The following MPI variants were observed in gnomAD, a reference collection of about 807,000 sequenced individuals.
MPI encodes the protein mannose phosphate isomerase.
MPI carries 33 observed loss-of-function variants against 40.1 expected under a neutral mutation model. The ratio of observed to expected loss-of-function variants is 0.82; its 90% CI spans 0.62 to 1.10. MPI has a LOEUF of 1.10. Ranked by LOEUF, MPI falls within the 50% of genes least tolerant of loss-of-function variation. The pLI, the probability that MPI is intolerant of heterozygous loss-of-function variation, is 0.00. For missense variants in MPI, 514 were observed against 524.1 expected, an observed-to-expected ratio of 0.98 and a Z score of 0.19; for synonymous variants, 187 against 207.4, an observed-to-expected ratio of 0.90 and a Z score of 0.85.
rs1190779046 is a variant in MPI at position 74,898,572 on chromosome 15, C to T, written c.*842C>T. 2 of 151,598 alleles carry T rather than the reference C, an allele frequency of 1.3e-5. No homozygotes were observed. The highest frequency in any genetic ancestry group is 6.6e-5 in the Admixed American group (1 of 15,186). 9.4% of individuals were successfully genotyped at this position (151,598 alleles called of 1,614,324 possible). ...TTTTTTTTTGAGACGGAGTCTCGGT[C>T]TGTAGCCCAGGCTGGAGTGCAGTGG... On this transcript the variant is annotated 3_prime_UTR_variant, in exon 8 of 8. Coordinates refer to ENST00000352410, the MANE Select transcript of MPI (RefSeq NM_002435.3).
At position 74,900,262 on chromosome 15, in the gene MPI, C is replaced by A. The variant is rs2064898542; in HGVS notation, c.*2532C>A. 1 of 152,294 alleles carries A rather than the reference C, an allele frequency of 6.6e-6. No individual in the cohort carries two copies. The highest frequency in any genetic ancestry group is 2.4e-5 in the African/African-American group (1 of 41,452). 9.4% of individuals were successfully genotyped at this position (152,294 alleles called of 1,614,324 possible). ...TACCCTGCCTCACTGCACTGTCCCA[C>A]CAGGTCCCTCCAGCTTTTTCTACAA... On this transcript the variant is annotated 3_prime_UTR_variant, in exon 8 of 8. Transcript: ENST00000352410.
At chr15:74,895,998 C>T in intron 5 of MPI, 154 bp from the exon 6 acceptor site, 1 of 771,508 alleles carries the variant, frequency 1.3e-6, no homozygotes, top group Admixed American at 2.1e-5. Context: ...GCTCGACCCC[C>T]AAAGGGCTGG....
At chr15:74,891,339 T>C in intron 2 of MPI, 40 bp from the exon 3 acceptor site, 1 of 1,601,136 alleles carries the variant, frequency 6.2e-7, no homozygotes, top group Non-Finnish European at 8.6e-7. Context: ...GGGTGGCAGG[T>C]TTCTTCCCCC....
At position 74,902,029 on chromosome 15, in the gene MPI, T is replaced by C. The variant is rs1022053360; in HGVS notation, c.*4299T>C. ...GATCCTGCTGTATCATTAAGCAACC[T>C]GCTATGATCCCTGTCATAGTTAGAC... On this transcript the variant is annotated 3_prime_UTR_variant, in exon 8 of 8. Transcript: ENST00000352410. The C allele has an allele frequency of 1.5e-5, 6 of 398,202 alleles. No individual in the cohort carries two copies. The highest frequency in any genetic ancestry group is 1.2e-3 in the Middle Eastern group (2 of 1,610). The allele number at this position is 398,202 out of a possible 1,614,324, so 24.7% of individuals were successfully genotyped here.
intron 5 of MPI, among the ~76,000 whole-genome samples, chr15:74,895,247 T>C (rs1399962674): frequency 6.7e-6 from 1 of 149,884 alleles, no homozygotes; most frequent in Non-Finnish European, 1.5e-5. Context: ...AGTCCTGAGA[T>C]GACAGGTGTG....
rs745432667 is a variant in MPI at position 74,896,190 on chromosome 15, CT to C, written c.713del (p.Leu238CysfsTer20). On this transcript the variant is annotated frameshift_variant, in exon 6 of 8. Transcript: ENST00000352410. LOFTEE classifies it high-confidence loss of function. ...CAACATGGAGGACATCTTTGGGGAG[CT>C]TTTGCTACAGCTGCACCAGCAGTAC... ...GNNMEDIFGE[L>X]LLQLHQQYPG... 2 of 1,614,072 alleles carry C rather than the reference CT, an allele frequency of 1.2e-6. No homozygotes were observed. Among genetic ancestry groups the C allele is most frequent in the Admixed American group, 1.7e-5 (1 of 60,006 alleles).
intron 7 of MPI, 123 bp from the exon 8 acceptor site, chr15:74,897,389 C>A: frequency 7.7e-7 from 1 of 1,301,596 alleles, no homozygotes; most frequent in Non-Finnish European, 1.1e-6. Flanking sequence ...TCTATGCTGA[C>A]TGAGCCTGGG....
At chr15:74,890,425 A>C in intron 1 of MPI, 102 bp from the exon 2 acceptor site, 3 of 1,506,886 alleles carry the variant, frequency 2.0e-6, no homozygotes, top group Non-Finnish European at 2.8e-6. Flanking sequence ...CCCTTATTTG[A>C]CTCTGTCCCC....
At position 74,897,430 on chromosome 15, in the gene MPI, G is replaced by A. The variant is rs534567651; in HGVS notation, c.1054-82G>A. ...CGAGAAGGTGGCAGAGCTCTCCCTC[G>A]TGCCCTGGGGACTGTCCTGGGCCCA... On this transcript the variant is annotated intron_variant, in intron 7 of 7. Coordinates refer to ENST00000352410, the MANE Select transcript of MPI (RefSeq NM_002435.3). 55 of 1,439,374 alleles carry A rather than the reference G, an allele frequency of 3.8e-5. 1 individual carries two copies. Among genetic ancestry groups the A allele is most frequent in the South Asian group, 2.7e-4 (23 of 85,834 alleles). The allele number at this position is 1,439,374 out of a possible 1,614,324, so 89.2% of individuals were successfully genotyped here. A position where few individuals can be genotyped will look rare whatever the true frequency, so the allele number is the denominator to read the frequency against.
rs1475049428 is a variant in MPI, at chr15:74,897,140, T to C, written c.974T>C (p.Leu325Pro). The C allele has an allele frequency of 3.1e-6, 5 of 1,614,024 alleles. No homozygotes were observed. The highest frequency in any genetic ancestry group is 4.2e-6 in the Non-Finnish European group (5 of 1,180,020). Reference protein sequence around the residue: ...TPSSSKDRLFLPTRSQEDPYL... With the variant: ...TPSSSKDRLFPPTRSQEDPYL... ...AGCTCCAGCAAGGACAGGCTCTTTC[T>C]CCCAACACGGAGTCAGGAAGACCCC... The change falls in exon 7 of 8, where the codon CTC becomes CCC. Residue 325 changes from leucine (L) to proline (P), a missense_variant. Leu to Pro is a moderately conservative substitution (Grantham distance 98, BLOSUM62 -3). Transcript: ENST00000352410.
chr15:74,893,648 C>T lies in MPI; in HGVS notation c.670+328C>T, dbSNP rs1459113506. ...GCCCTCCATGGATGGACTTGTATCT[C>T]GGGGCTAAAGAGGCAGGAAGGGGAC... On this transcript the variant is annotated intron_variant, in intron 5 of 7. Coordinates refer to ENST00000352410, the MANE Select transcript of MPI (RefSeq NM_002435.3). 11 of 590,856 alleles carry T rather than the reference C, an allele frequency of 1.9e-5. No homozygotes were observed. In the East Asian group the frequency reaches 1.9e-4, roughly 10 times the overall value. 36.6% of individuals were successfully genotyped at this position (590,856 alleles called of 1,614,324 possible). A position where few individuals can be genotyped will look rare whatever the true frequency, so the allele number is the denominator to read the frequency against.
chr15:74,896,406 G>C, intron 6 of MPI, 81 bp downstream of exon 6: 1 of 1,554,778 alleles, frequency 6.4e-7, no homozygotes, highest in Admixed American at 1.8e-5. Context: ...AAGGAGAAGG[G>C]TGGTCAAGGA....
At chr15:74,894,956 T>C (rs561196905) in intron 5 of MPI, among the ~76,000 whole-genome samples, 198 of 151,662 alleles carry the variant, frequency 1.3e-3, no homozygotes, top group Non-Finnish European at 2.3e-3. Context: ...AGAGATTCTC[T>C]GAGACATAGA....
intron 6 of MPI, 200 bp downstream of exon 6, chr15:74,896,525 A>T: frequency 1.4e-6 from 1 of 706,822 alleles, no homozygotes; most frequent in Non-Finnish European, 2.6e-6. Flanking sequence ...TTGAATCCTG[A>T]CACCAACCCT....
rs995939840 is a variant in MPI at position 74,892,663 on chromosome 15, G to C, written c.348G>C (p.Glu116Asp). 1.9e-6 allele frequency: 3 copies of C among 1,614,148 alleles called. No homozygotes were observed. Among genetic ancestry groups the C allele is most frequent in the Non-Finnish European group, 2.5e-6 (3 of 1,180,036 alleles). The stretch of plus-strand genomic sequence containing the variant: ...CTCTTCCCCTGGCCACCCCACAGGA[G>C]CTGGCAGAGAAGCTGCACCTCCAGG... The part of the protein sequence containing the change: ...PLSIQAHPNK[E>D]LAEKLHLQAP... Residue 116 changes from glutamate (E) to aspartate (D), a missense_variant and splice_region_variant, in exon 4 of 8, where the codon GAG becomes GAC. Coordinates refer to ENST00000352410, the MANE Select transcript of MPI (RefSeq NM_002435.3).
chr15:74,897,651 T>A lies in MPI; in HGVS notation c.1193T>A (p.Ile398Asn), dbSNP rs369326210. 6.2e-7 allele frequency: 1 copy of A among 1,614,192 alleles called. No individual in the cohort carries two copies. The highest frequency in any genetic ancestry group is 8.5e-7 in the Non-Finnish European group (1 of 1,180,028). The change falls in exon 8 of 8, where the codon ATT (isoleucine) becomes AAT (asparagine). Residue 398 changes from isoleucine to asparagine, a missense_variant. By Grantham distance (149) the Ile-to-Asn change is moderately radical (BLOSUM62 -3). Coordinates refer to ENST00000352410, the MANE Select transcript of MPI (RefSeq NM_002435.3). ...CTGCAACGTGGTGGCGTGCTCTTCA[T>A]TGGGGCCAATGAGAGTGTCTCACTG... ...IPLQRGGVLF[I>N]GANESVSLKL... is the part of the protein sequence containing the mutation.
chr15:74,894,232 T>C (rs576606164), intron 5 of MPI, among the ~76,000 whole-genome samples: 4 of 151,726 alleles, frequency 2.6e-5, no homozygotes, highest in Non-Finnish European at 4.4e-5. Flanking sequence ...TACAGGCATG[T>C]GCCACCACAT....
rs751527702 is a variant in MPI, at chr15:74,890,105, G to T, written c.16+16G>T. ...GCTCCGCGAGGTGAGCCATTGGCTG[G>T]GGTGTCGGCGAGTGTGTTCGTGGAG... On this transcript the variant is annotated intron_variant, in intron 1 of 7. Transcript: ENST00000352410. 39 of 1,607,788 alleles carry T rather than the reference G, an allele frequency of 2.4e-5. No homozygotes were observed. The highest frequency in any genetic ancestry group is 7.7e-5 in the South Asian group (7 of 91,086).
In MPI at chr15:74,897,089, T is replaced by C; in HGVS notation, c.923T>C (p.Leu308Pro). 6.2e-7 allele frequency: 1 copy of C among 1,614,166 alleles called. No individual in the cohort carries two copies. Among genetic ancestry groups the C allele is most frequent in the Non-Finnish European group, 8.5e-7 (1 of 1,180,022 alleles). The change falls in exon 7 of 8, where the codon CTG becomes CCG. Residue 308 changes from leucine (L) to proline (P), a missense_variant. By Grantham distance (98) the Leu-to-Pro change is moderately conservative. Coordinates refer to ENST00000352410, the MANE Select transcript of MPI (RefSeq NM_002435.3). Reference sequence around the variant, plus strand: ...CCCAAGTTCATTGATGTGCCAACCCTGTGTGAAATGCTCAGCTATACCCCT... The same window carrying C: ...CCCAAGTTCATTGATGTGCCAACCCCGTGTGAAATGCTCAGCTATACCCCT... ...LTPKFIDVPT[L>P]CEMLSYTPSS...
Sources: gnomAD v4.1 joint callset for allele counts (sites outside exome capture counted in the v4.1 genomes callset) on GRCh38, gnomAD v4.1.1 for gene constraint, MANE v1.5 for transcripts, NCBI Gene and HGNC (gene_info 2026-07-23, HGNC 2026-07-21) for gene names.